Variants in MORN5 observed in about 807,000 individuals in gnomAD.
MORN5 encodes the protein MORN repeat containing 5.
In MORN5, 21 loss-of-function variants were observed where a neutral mutation model predicts 22.1. The ratio of observed to expected loss-of-function variants is 0.95; its 90% CI spans 0.67 to 1.37. MORN5 has a LOEUF of 1.37. Ranked by LOEUF, MORN5 falls within the 40% of genes most tolerant of loss-of-function variation. The pLI, the probability that MORN5 is intolerant of heterozygous loss-of-function variation, is 0.00. For synonymous variants in MORN5, 73 were observed against 74.0 expected, an observed-to-expected ratio of 0.99 and a Z score of 0.07; for missense variants, 211 against 215.1, an observed-to-expected ratio of 0.98 and a Z score of 0.12.
At chr9:122,180,574 C>T (rs537221303) in intron 4 of MORN5, among the ~76,000 whole-genome samples, 2 of 152,330 alleles carry the variant, frequency 1.3e-5, no homozygotes, top group South Asian at 4.1e-4. Context: ...GCATGAGCCA[C>T]TGCGCTCGGC....
chr9:122,186,413 G>A (rs1031125501), intron 4 of MORN5, among the ~76,000 whole-genome samples: 1 of 152,108 alleles, frequency 6.6e-6, no homozygotes, highest in Admixed American at 6.5e-5. Flanking sequence ...TGAGAATCTA[G>A]GCCCAGCTAC....
chr9:122,198,117 T>C (rs925417698), intron 4 of MORN5, among the ~76,000 whole-genome samples: 14 of 152,176 alleles, frequency 9.2e-5, no homozygotes, highest in Non-Finnish European at 1.5e-4. Context: ...CCACTGGCGA[T>C]GGACTTAGGA....
At chr9:122,160,564 TTTTTCC>T (rs1829180118) in intron 1 of MORN5, among the ~76,000 whole-genome samples, 1 of 151,700 alleles carries the variant, frequency 6.6e-6, no homozygotes, top group African/African-American at 2.4e-5. Flanking sequence ...CTTCCTTCCT[TTTTTCC>T]TTCCTTCCTT....
intron 4 of MORN5, among the ~76,000 whole-genome samples, chr9:122,196,103 T>C (rs1829883650): frequency 6.6e-6 from 1 of 151,804 alleles, no homozygotes; most frequent in Non-Finnish European, 1.5e-5. Context: ...GGACCACAGG[T>C]GCTTGCCACC....
intron 4 of MORN5, chr9:122,175,649 G>T: frequency 9.1e-6 from 9 of 985,174 alleles, no homozygotes; most frequent in Non-Finnish European, 1.1e-5. Context: ...AGTCTTAAGG[G>T]GTGAATGGTC....
intron 4 of MORN5, among the ~76,000 whole-genome samples, chr9:122,194,650 G>C (rs2118788433): frequency 6.6e-6 from 1 of 152,280 alleles, no homozygotes; most frequent in Middle Eastern, 3.4e-3. Flanking sequence ...TGTATGCTGG[G>C]TCTAGTGGTC....
At chr9:122,162,532 G>A (rs1232774530) in intron 1 of MORN5, among the ~76,000 whole-genome samples, 1 of 152,152 alleles carries the variant, frequency 6.6e-6, no homozygotes, top group African/African-American at 2.4e-5. Context: ...AGTACTCATA[G>A]CAGCCTTATT....
chr9:122,189,872 C>T (rs1406624553), intron 4 of MORN5, among the ~76,000 whole-genome samples: 1 of 152,140 alleles, frequency 6.6e-6, no homozygotes, highest in Non-Finnish European at 1.5e-5. Context: ...TCCCAAAGTG[C>T]TAGGATTACA....
intron 1 of MORN5, chr9:122,164,658 GGGT>G: frequency 1.0e-6 from 1 of 985,082 alleles, no homozygotes; most frequent in Non-Finnish European, 1.2e-6. Context: ...GTAAGAAAAG[GGGT>G]GGGGTCTAAC....
At chr9:122,174,692 T>A in intron 4 of MORN5, 65 bp downstream of exon 4, 1 of 1,611,628 alleles carries the variant, frequency 6.2e-7, no homozygotes, top group Non-Finnish European at 8.5e-7. Flanking sequence ...TGCATCTGTA[T>A]GTACAAATGT....
chr9:122,182,667 C>A (rs1371894465), intron 4 of MORN5, among the ~76,000 whole-genome samples: 2 of 152,322 alleles, frequency 1.3e-5, no homozygotes, highest in Admixed American at 1.3e-4. Context: ...AGGAGAATTG[C>A]TTGAACCTGG....
rs1396851764 is a variant in MORN5, at chr9:122,197,554, T to G, written c.440-2331T>G. ...GAGGGAGGGGTTGGTGAGCAGCTGC[T>G]GGGAGGGGAGGCATCTGTGATTCAA... On this transcript the variant is annotated intron_variant, in intron 4 of 4. Coordinates refer to ENST00000373764, the MANE Select transcript of MORN5 (RefSeq NM_198469.4). The surrounding 1 kb of genome is among the most constrained non-coding windows in gnomAD (Gnocchi z 5.7). Among the ~76,000 whole-genome samples the G allele has an allele frequency of 6.6e-6, 1 of 151,848 alleles. No individual in the cohort carries two copies.
intron 3 of MORN5, among the ~76,000 whole-genome samples, chr9:122,172,601 C>T (rs1829382285): frequency 1.3e-5 from 2 of 152,140 alleles, no homozygotes; most frequent in Admixed American, 1.3e-4. Context: ...TCCCTGAATT[C>T]CCACACTAGG....
chr9:122,178,035 G>C (rs926797758), intron 4 of MORN5, among the ~76,000 whole-genome samples: 3 of 152,182 alleles, frequency 2.0e-5, no homozygotes, highest in Admixed American at 6.5e-5. Context: ...AAGGATAAAA[G>C]AGGAAACAAA....
At chr9:122,179,612 C>T (rs1829505190) in intron 4 of MORN5, among the ~76,000 whole-genome samples, 1 of 152,084 alleles carries the variant, frequency 6.6e-6, no homozygotes, top group African/African-American at 2.4e-5. Flanking sequence ...TTTCTAGGGC[C>T]CTTCCAACCT....
At chr9:122,181,537 A>G (rs575430105) in intron 4 of MORN5, among the ~76,000 whole-genome samples, 1 of 152,358 alleles carries the variant, frequency 6.6e-6, no homozygotes, top group South Asian at 2.1e-4. Context: ...GTAGACAGTT[A>G]TTACATATTC....
chr9:122,160,581 C>T (rs1318841252), intron 1 of MORN5, among the ~76,000 whole-genome samples: 1 of 150,844 alleles, frequency 6.6e-6, no homozygotes, highest in East Asian at 1.9e-4. Context: ...TTCCTTCCTT[C>T]CTTCCTACCT....
chr9:122,168,815 T>C (rs948870496), intron 2 of MORN5, among the ~76,000 whole-genome samples: 5 of 152,138 alleles, frequency 3.3e-5, no homozygotes, highest in African/African-American at 1.2e-4. Flanking sequence ...CAATAGGATA[T>C]ATAGAGATGT....
At chr9:122,170,709 A>T (rs1242698362) in intron 3 of MORN5, among the ~76,000 whole-genome samples, 1 of 152,168 alleles carries the variant, frequency 6.6e-6, no homozygotes, top group Non-Finnish European at 1.5e-5. Context: ...GGTCCTCTTT[A>T]TCATGCTACC....
Sources: gnomAD v4.1 joint callset for allele counts (sites outside exome capture counted in the v4.1 genomes callset) on GRCh38, gnomAD v4.1.1 for gene constraint, Gnocchi (gnomAD v3.1) non-coding constraint, MANE v1.5 for transcripts, NCBI Gene and HGNC (gene_info 2026-07-23, HGNC 2026-07-21) for gene names.